CFAP44: variants seen among roughly 807,000 people sequenced by gnomAD.
CFAP44 encodes cilia- and flagella-associated protein 44.
Under a neutral mutation model 216.2 loss-of-function variants are expected in CFAP44, and 134 were observed. That is an observed-to-expected ratio of 0.62 (90% confidence interval 0.54 to 0.72). The LOEUF (loss-of-function observed/expected upper bound fraction) is 0.72. Ranked by LOEUF, CFAP44 falls within the 30% of genes least tolerant of loss-of-function variation. The pLI, the probability that CFAP44 is intolerant of heterozygous loss-of-function variation, is 0.00. For missense variants in CFAP44, 2,035 were observed against 2,182.1 expected, an observed-to-expected ratio of 0.93 and a Z score of 1.34; for synonymous variants, 700 against 727.6, an observed-to-expected ratio of 0.96 and a Z score of 0.61.
Position 113,399,396 on chromosome 3 carries a change from C to T in CFAP44, c.1569+510G>A, listed in dbSNP as rs367902643. ...TAAATGGAACAACTCCCTATCTCAG[C>T]CTAATTTTTTTCTATAGTTCTTATA... On this transcript the variant is annotated intron_variant, in intron 13 of 34. Transcript: ENST00000393845. Among the ~76,000 whole-genome samples the T allele has an allele frequency of 5.4e-4, 82 of 152,274 alleles. 1 individual carries two copies. In the South Asian group the frequency reaches 0.016, roughly 30 times the overall value.
At chr3:113,361,035 C>G (rs1264621582) in intron 21 of CFAP44, 1 of 282,482 alleles carries the variant, frequency 3.5e-6, no homozygotes, top group East Asian at 1.0e-4. Context: ...TATTGTTGCA[C>G]AGGATTCCTG....
At chr3:113,297,585 T>C (rs2650099) in intron 32 of CFAP44, among the ~76,000 whole-genome samples, 148,209 of 152,308 alleles carry the variant, frequency 0.97, 72,154 homozygotes, top group East Asian at 1. Flanking sequence ...AGATGTGCTG[T>C]CTTTCCATGG....
At chr3:113,314,307 G>A (rs1470241659) in intron 28 of CFAP44, among the ~76,000 whole-genome samples, 1 of 152,052 alleles carries the variant, frequency 6.6e-6, no homozygotes, top group African/African-American at 2.4e-5. Flanking sequence ...TAACTATAGG[G>A]GATACACAAC....
intron 22 of CFAP44, among the ~76,000 whole-genome samples, chr3:113,349,774 G>A (rs1950425079): frequency 6.6e-6 from 1 of 152,186 alleles, no homozygotes; most frequent in Admixed American, 6.5e-5. Flanking sequence ...TTGAGGACCA[G>A]GAAATTGACT....
rs148479680 is a variant in CFAP44, at chr3:113,313,281, C to G, written c.4517-5013G>C. ...GCTGGATTTCAGACTTGCATGGGCC[C>G]TGTAATCTCTTTGTTTTGGTCAATT... On this transcript the variant is annotated intron_variant, in intron 28 of 34. Coordinates refer to ENST00000393845, the MANE Select transcript of CFAP44 (RefSeq NM_001164496.2). Among the ~76,000 whole-genome samples, 319 of 152,204 alleles carry G rather than the reference C, an allele frequency of 2.1e-3. 10 individuals carry two copies. In the East Asian group the frequency reaches 0.055, roughly 26 times the overall value.
chr3:113,302,147 C>T (rs1467887402), intron 32 of CFAP44, among the ~76,000 whole-genome samples: 1 of 152,060 alleles, frequency 6.6e-6, no homozygotes, highest in Non-Finnish European at 1.5e-5. Flanking sequence ...TGTACATATA[C>T]CACATTTTCT....
chr3:113,427,134 G>A, intron 3 of CFAP44, 53 bp downstream of exon 3: 1 of 1,562,536 alleles, frequency 6.4e-7, no homozygotes, highest in Non-Finnish European at 8.7e-7. Flanking sequence ...CATTTGTCTG[G>A]GCTTTGTCTC....
At chr3:113,389,531 T>G (rs1053051173) in intron 15 of CFAP44, among the ~76,000 whole-genome samples, 2 of 151,596 alleles carry the variant, frequency 1.3e-5, no homozygotes, top group African/African-American at 4.8e-5. Context: ...AGAACAAAAT[T>G]AAATGAAATT....
chr3:113,392,471 A>C (rs1933870189), intron 15 of CFAP44, among the ~76,000 whole-genome samples: 1 of 122,690 alleles, frequency 8.2e-6, no homozygotes, highest in Non-Finnish European at 1.7e-5. Flanking sequence ...AAATACATAG[A>C]ATGAATAAGA....
chr3:113,419,560 C>G (rs1433277554), intron 5 of CFAP44, among the ~76,000 whole-genome samples: 1 of 152,182 alleles, frequency 6.6e-6, no homozygotes, highest in Non-Finnish European at 1.5e-5. Flanking sequence ...GTATCTTTCA[C>G]TCCATATATC....
At chr3:113,416,445 A>G (rs578111345) in intron 6 of CFAP44, 80 bp downstream of exon 6, 1 of 1,141,360 alleles carries the variant, frequency 8.8e-7, no homozygotes, top group African/African-American at 1.6e-5. Context: ...GAGAACCTTG[A>G]CTTATGAAAT....
Position 113,401,852 on chromosome 3 carries a change from A to G in CFAP44, c.1171-113T>C, listed in dbSNP as rs535119445. On this transcript the variant is annotated intron_variant, in intron 9 of 34. Transcript: ENST00000393845. ...AAAAGTCATTTCTTTTTCTTTCATG[A>G]AAAGTAACAATGAACAAGTGTGATA... 124 of 1,175,104 alleles carry G rather than the reference A, an allele frequency of 1.1e-4. 2 individuals are homozygous for G. The South Asian group carries it at 1.6e-3, about 15-fold the overall frequency. The allele number at this position is 1,175,104 out of a possible 1,614,324, so 72.8% of individuals were successfully genotyped here. A position where few individuals can be genotyped will look rare whatever the true frequency, so the allele number is the denominator to read the frequency against.
rs748442220 is a variant in CFAP44, at chr3:113,427,318, G to C, written c.122C>G (p.Thr41Arg). 6.2e-7 allele frequency: 1 copy of C among 1,609,014 alleles called. No individual in the cohort carries two copies. Among genetic ancestry groups the C allele is most frequent in the African/African-American group, 1.3e-5 (1 of 74,870 alleles). ...ESRSPVQEDN[T>R]FLEDDTDETF... ...TTCATCTGTGTCATCTTCTAAAAAT[G>C]TGTTATCTTCTTGAACAGGAGCTAT... The change falls in exon 3 of 35, where the codon ACA becomes AGA. Residue 41 changes from threonine (T) to arginine (R), a missense_variant. Physicochemically the swap from Thr to Arg is moderately conservative, Grantham distance 71. Coordinates refer to ENST00000393845, the MANE Select transcript of CFAP44 (RefSeq NM_001164496.2).
At position 113,291,433 on chromosome 3, in the gene CFAP44, G is replaced by T; in HGVS notation, c.*124C>A. 8.8e-7 allele frequency: 1 copy of T among 1,134,158 alleles called. No homozygotes were observed. The highest frequency in any genetic ancestry group is 1.2e-6 in the Non-Finnish European group (1 of 816,072). 70.3% of individuals were successfully genotyped at this position (1,134,158 alleles called of 1,614,324 possible). A position where few individuals can be genotyped will look rare whatever the true frequency, so the allele number is the denominator to read the frequency against. On this transcript the variant is annotated 3_prime_UTR_variant, in exon 35 of 35. Coordinates refer to ENST00000393845, the MANE Select transcript of CFAP44 (RefSeq NM_001164496.2). ...TTCTTAAAGTGACTTAACGTGACTG[G>T]ATCTGGTTTTACACTTTCAGGCGAG...
In CFAP44 at chr3:113,304,021, C is replaced by A; in HGVS notation, c.4972G>T (p.Glu1658Ter). 1 of 1,537,444 alleles carries A rather than the reference C, an allele frequency of 6.5e-7. No homozygotes were observed. Among genetic ancestry groups the A allele is most frequent in the Non-Finnish European group, 8.7e-7 (1 of 1,146,974 alleles). Residue 1658 changes from glutamate (E) to a stop codon, truncating the protein, a stop_gained, in exon 32 of 35, where the codon GAG becomes TAG. Transcript: ENST00000393845. LOFTEE classifies it high-confidence loss of function. ...TGCTTGGAATTTTCCTCCTGGAGCTCATGGATTCGTTCTTGCAGCCGTCTC... is the reference window on the plus strand; with the variant it reads ...TGCTTGGAATTTTCCTCCTGGAGCTAATGGATTCGTTCTTGCAGCCGTCTC... ...ALRRLQERIH[E>*]LQEENSKQQK... is the part of the protein sequence containing the mutation.
intron 6 of CFAP44, among the ~76,000 whole-genome samples, chr3:113,415,543 A>G (rs1934621884): frequency 6.6e-6 from 1 of 152,136 alleles, no homozygotes; most frequent in Non-Finnish European, 1.5e-5. Context: ...GCTGTGTCCT[A>G]GAGATTCTGG....
At chr3:113,363,345 A>G in intron 20 of CFAP44, 38 bp from the exon 21 acceptor site, 1 of 1,584,356 alleles carries the variant, frequency 6.3e-7, no homozygotes, top group Non-Finnish European at 8.6e-7. Context: ...AGGTTGTGAT[A>G]CAGAAACAGC....
At chr3:113,334,393 T>C (rs1950265238) in intron 24 of CFAP44, among the ~76,000 whole-genome samples, 1 of 152,170 alleles carries the variant, frequency 6.6e-6, no homozygotes, top group South Asian at 2.1e-4. Context: ...GTACAAAACA[T>C]TGTAAATTAT....
Position 113,348,109 on chromosome 3 carries a change from G to A in CFAP44, c.3066-3397C>T, listed in dbSNP as rs145126236. Among the ~76,000 whole-genome samples, 290 of 152,294 alleles carry A rather than the reference G, an allele frequency of 1.9e-3. 7 individuals are homozygous for A. The East Asian group carries it at 0.051, about 27-fold the overall frequency. ...CAGCAGGGTCCAGGGACCATTGCAG[G>A]TTCTTGGGCAAGAGGGGTTTCTGCT... On this transcript the variant is annotated intron_variant, in intron 22 of 34. Coordinates refer to ENST00000393845, the MANE Select transcript of CFAP44 (RefSeq NM_001164496.2).
Sources: gnomAD v4.1 joint callset for allele counts (sites outside exome capture counted in the v4.1 genomes callset) on GRCh38, gnomAD v4.1.1 for gene constraint, MANE v1.5 for transcripts, NCBI Gene and HGNC (gene_info 2026-07-23, HGNC 2026-07-21) for gene names.